TTLL5: variants seen among roughly 807,000 people sequenced by gnomAD.
TTLL5 encodes the protein tubulin tyrosine ligase like 5, also known as tubulin polyglutamylase TTLL5.
TTLL5 carries 132 observed loss-of-function variants against 168.4 expected under a neutral mutation model. That is an observed-to-expected ratio of 0.78 (90% confidence interval 0.68 to 0.91). The LOEUF is 0.91. TTLL5 is among the 40% of genes least tolerant of loss of function. The probability of loss-of-function intolerance (pLI) is 0.00; values close to 1 mark genes in which losing one functional copy is unlikely to be tolerated. For missense variants in TTLL5, 1,545 were observed against 1,581.5 expected (o/e 0.98, Z 0.39); for synonymous variants, 546 against 558.6 (o/e 0.98, Z 0.32).
Position 75,732,344 on chromosome 14 carries a change from A to G in TTLL5, c.1049A>G (p.Tyr350Cys). 2 of 1,613,534 alleles carry G rather than the reference A, an allele frequency of 1.2e-6. No homozygotes were observed. The highest frequency in any genetic ancestry group is 1.3e-5 in the African/African-American group (1 of 74,996). ...TGTTGTGTTGTATTTCTAGAACTCT[A>G]TGGCTTTGACGTGCTCATAGATTCT... ...VPHRSSCFEL[Y>C]GFDVLIDSTL... Residue 350 changes from tyrosine to cysteine, a missense_variant, in exon 13 of 32, where the codon TAT becomes TGT. By Grantham distance (194) the Tyr-to-Cys change is radical. Transcript: ENST00000298832.
intron 31 of TTLL5, among the ~76,000 whole-genome samples, chr14:75,950,660 T>G (rs987515854): frequency 2.0e-5 from 3 of 152,190 alleles, no homozygotes; most frequent in East Asian, 3.8e-4. Context: ...ATGTTTGAAA[T>G]TTTTTATTTT....
At chr14:75,904,062 C>T (rs944006020) in intron 31 of TTLL5, 6 of 1,204,982 alleles carry the variant, frequency 5.0e-6, no homozygotes, top group South Asian at 1.5e-5. Context: ...TTTTCTCTTT[C>T]CACTCCCTGC....
intron 31 of TTLL5, among the ~76,000 whole-genome samples, chr14:75,942,792 A>G (rs2034651396): frequency 6.6e-6 from 1 of 152,260 alleles, no homozygotes; most frequent in African/African-American, 2.4e-5. Context: ...GGATGGAAGT[A>G]TAAGTGTGTT....
intron 27 of TTLL5, 67 bp downstream of exon 27, chr14:75,793,167 TG>T: frequency 7.3e-7 from 1 of 1,379,058 alleles, no homozygotes; most frequent in East Asian, 2.4e-5. Flanking sequence ...CAGGGTACTT[TG>T]TCTTTCCCTG....
At chr14:75,700,212 A>G (rs1231646041) in intron 7 of TTLL5, among the ~76,000 whole-genome samples, 2 of 152,204 alleles carry the variant, frequency 1.3e-5, no homozygotes, top group Admixed American at 1.3e-4. Context: ...GCTACCACCA[A>G]GGAGTGTCAG....
chr14:75,954,337 A>G, intron 31 of TTLL5, 87 bp from the exon 32 acceptor site: 1 of 1,345,266 alleles, frequency 7.4e-7, no homozygotes. Flanking sequence ...TTCTTCAGTG[A>G]TGTTAGATAA....
intron 31 of TTLL5, among the ~76,000 whole-genome samples, chr14:75,905,321 C>G (rs557807503): frequency 2.6e-5 from 4 of 152,320 alleles, no homozygotes; most frequent in African/African-American, 9.6e-5. Context: ...TCCTGTAAGT[C>G]TTGCCTGCCA....
Sources: gnomAD v4.1 joint callset for allele counts (sites outside exome capture counted in the v4.1 genomes callset) on GRCh38, gnomAD v4.1.1 for gene constraint, MANE v1.5 for transcripts, NCBI Gene and HGNC (gene_info 2026-07-23, HGNC 2026-07-21) for gene names.